BRAF: variants seen among roughly 807,000 people sequenced by gnomAD.
BRAF encodes serine/threonine-protein kinase B-raf.
Under a neutral mutation model 104.6 loss-of-function variants are expected in BRAF, and 16 were observed. The observed-to-expected ratio is 0.15, with a 90% confidence interval of 0.10 to 0.23. The LOEUF is 0.23. Ranked by LOEUF, BRAF falls within the 10% of genes least tolerant of loss-of-function variation. BRAF has a pLI of 1.00. For synonymous variants in BRAF, 310 were observed against 341.6 expected, an observed-to-expected ratio of 0.91 and a Z score of 1.02; for missense variants, 541 against 937.3, an observed-to-expected ratio of 0.58 and a Z score of 5.52.
intron 14 of BRAF, among the ~76,000 whole-genome samples, chr7:140,757,635 C>T (rs1798316967): frequency 6.6e-6 from 1 of 152,172 alleles, no homozygotes; most frequent in African/African-American, 2.4e-5. Flanking sequence ...CAGATTAAAA[C>T]TTTAGCTTTC....
chr7:140,913,672 C>T (rs1331235437), intron 1 of BRAF, among the ~76,000 whole-genome samples: 3 of 151,654 alleles, frequency 2.0e-5, no homozygotes, highest in Non-Finnish European at 2.9e-5. Context: ...TTAGTAGAGA[C>T]GGGGTTTCAC....
intron 18 of BRAF, among the ~76,000 whole-genome samples, chr7:140,739,511 G>T (rs941063396): frequency 4.1e-5 from 4 of 96,954 alleles, no homozygotes; most frequent in African/African-American, 3.0e-4. Context: ...ATAAACAAAA[G>T]CTCTTTGTGG....
intron 14 of BRAF, among the ~76,000 whole-genome samples, chr7:140,754,465 T>C (rs1057151996): frequency 7.2e-5 from 11 of 152,178 alleles, no homozygotes; most frequent in African/African-American, 2.7e-4. Flanking sequence ...ATTAAAAGAC[T>C]TTGCTTTATC....
At chr7:140,777,920 C>T in intron 13 of BRAF, 71 bp downstream of exon 12, 2 of 1,378,160 alleles carry the variant, frequency 1.5e-6, no homozygotes, top group Non-Finnish European at 2.1e-6. Context: ...CTAATAGTTG[C>T]TACCACTGGG....
Position 140,833,940 on chromosome 7 carries a change from CAG to C in BRAF, c.504+667_504+668del, listed in dbSNP as rs1242151216. 3.3e-5 allele frequency: 5 copies of C among 150,936 alleles called. No homozygotes were observed. The East Asian group carries it at 9.7e-4, about 29-fold the overall frequency. The allele number at this position is 150,936 out of a possible 1,614,324, so 9.3% of individuals were successfully genotyped here. On this transcript the variant is annotated intron_variant, in intron 3 of 19. Transcript: ENST00000644969. ...CAATTGCACTTTTGATTTCTGTTGT[CAG>C]AGAAAAAAAATGAAAAATTTTGACT...
At chr7:140,820,254 A>G (rs1333035435) in intron 3 of BRAF, among the ~76,000 whole-genome samples, 1 of 152,210 alleles carries the variant, frequency 6.6e-6, no homozygotes, top group Admixed American at 6.5e-5. Flanking sequence ...AGGAAGTTTC[A>G]TACACTTGTT....
At chr7:140,800,622 C>T in intron 6 of BRAF, 141 bp from the exon 7 acceptor site, 1 of 1,374,502 alleles carries the variant, frequency 7.3e-7, no homozygotes, top group Non-Finnish European at 1.0e-6. Context: ...GTATTTTTGT[C>T]TAAAGGCTTA....
At chr7:140,765,211 C>T (rs1265456334) in intron 14 of BRAF, among the ~76,000 whole-genome samples, 6 of 152,182 alleles carry the variant, frequency 3.9e-5, no homozygotes, top group East Asian at 1.9e-4. Context: ...GGATTCCCTA[C>T]TTAATAAACG....
chr7:140,882,925 C>T (rs1429114835), intron 1 of BRAF, among the ~76,000 whole-genome samples: 2 of 151,602 alleles, frequency 1.3e-5, no homozygotes, highest in Non-Finnish European at 2.9e-5. Flanking sequence ...ACCTGGGAGG[C>T]GGAGGCTGCA....
At chr7:140,788,083 T>C (rs1377270355) in intron 8 of BRAF, among the ~76,000 whole-genome samples, 1 of 152,182 alleles carries the variant, frequency 6.6e-6, no homozygotes, top group African/African-American at 2.4e-5. Context: ...CAAACCGCTG[T>C]GGCACATGTT....
chr7:140,839,091 T>C (rs1412001417), intron 2 of BRAF, among the ~76,000 whole-genome samples: 1 of 152,148 alleles, frequency 6.6e-6, no homozygotes, highest in African/African-American at 2.4e-5. Context: ...GCAGAAAGAA[T>C]GGTCTCTTCA....
intron 17 of BRAF, among the ~76,000 whole-genome samples, chr7:140,744,717 C>T (rs1272494222): frequency 6.6e-6 from 1 of 151,994 alleles, no homozygotes; most frequent in East Asian, 1.9e-4. Context: ...TTGTATTTAT[C>T]CACAGATACA....
intron 14 of BRAF, chr7:140,773,339 C>T (rs997949019): frequency 6.6e-6 from 1 of 152,094 alleles, no homozygotes; most frequent in African/African-American, 2.4e-5. Flanking sequence ...AGGTGGAATC[C>T]CTGATGTCAC....
chr7:140,904,554 T>A (rs1816080898), intron 1 of BRAF, among the ~76,000 whole-genome samples: 1 of 152,200 alleles, frequency 6.6e-6, no homozygotes, highest in African/African-American at 2.4e-5. Flanking sequence ...CAATCAAAAA[T>A]TTTTAATCAT....
intron 3 of BRAF, among the ~76,000 whole-genome samples, chr7:140,828,859 A>G (rs574486538): frequency 6.6e-6 from 1 of 152,294 alleles, no homozygotes; most frequent in East Asian, 1.9e-4. Context: ...TCACATTTCT[A>G]TCCTTAACTA....
chr7:140,897,218 G>C (rs954906427), intron 1 of BRAF, among the ~76,000 whole-genome samples: 3 of 151,694 alleles, frequency 2.0e-5, no homozygotes, highest in Admixed American at 6.6e-5. Flanking sequence ...GTAGTAATGT[G>C]GACAAACAGG....
chr7:140,788,183 A>T (rs1049688039), intron 8 of BRAF, among the ~76,000 whole-genome samples: 2 of 152,072 alleles, frequency 1.3e-5, no homozygotes, highest in Admixed American at 6.6e-5. Context: ...ATCAATCCTT[A>T]AAAAAAATTA....
intron 1 of BRAF, among the ~76,000 whole-genome samples, chr7:140,868,300 AT>A (rs1192858541): frequency 3.9e-5 from 6 of 152,254 alleles, no homozygotes; most frequent in Middle Eastern, 3.2e-3. Flanking sequence ...TAACAGCATT[AT>A]TCACAATAGC....
intron 1 of BRAF, among the ~76,000 whole-genome samples, chr7:140,899,644 T>A (rs1376460463): frequency 2.0e-5 from 3 of 152,232 alleles, no homozygotes; most frequent in African/African-American, 4.8e-5. Flanking sequence ...AATTTTTTTT[T>A]AATTCAAATG....
Sources: allele counts gnomAD v4.1 joint callset (sites outside exome capture counted in the v4.1 genomes callset), GRCh38; gene constraint gnomAD v4.1.1; transcripts MANE v1.5; gene names NCBI Gene and HGNC (gene_info 2026-07-23, HGNC 2026-07-21).